The following TSPEAR variants were observed in gnomAD, a reference collection of about 807,000 sequenced individuals.
The protein encoded by TSPEAR is thrombospondin type laminin G domain and EAR repeats.
In TSPEAR, 69 loss-of-function variants were observed where a neutral mutation model predicts 71.6. The ratio of observed to expected loss-of-function variants is 0.96; its 90% CI spans 0.79 to 1.18. The LOEUF is 1.18. TSPEAR is among the 50% of genes most tolerant of loss of function. TSPEAR has a pLI of 0.00. For missense variants in TSPEAR, 971 were observed against 894.9 expected (o/e 1.09, Z -1.09); for synonymous variants, 402 against 387.2 (o/e 1.04, Z -0.45).
intron 1 of TSPEAR, among the ~76,000 whole-genome samples, chr21:44,603,956 G>T (rs587749225): frequency 1.7e-4 from 26 of 152,356 alleles, no homozygotes; most frequent in Non-Finnish European, 3.5e-4. Context: ...CACCTGTGGG[G>T]CATCACGGGG....
chr21:44,709,588 G>A (rs1460084009), intron 1 of TSPEAR, among the ~76,000 whole-genome samples: 1 of 152,248 alleles, frequency 6.6e-6, no homozygotes, highest in African/African-American at 2.4e-5. Context: ...CCTCGCGACC[G>A]CCTGTGACCT....
In TSPEAR at chr21:44,658,212, C is replaced by A. The variant is rs1191058462; in HGVS notation, c.82+53221G>T. Reference sequence around the variant, plus strand: ...TGCCAATCTTCGGGGTGCTGCCAGCCCCCCTGCACCACTGCCCTCTGCAGA... The same window carrying A: ...TGCCAATCTTCGGGGTGCTGCCAGCACCCCTGCACCACTGCCCTCTGCAGA... On this transcript the variant is annotated intron_variant, in intron 1 of 11. Transcript: ENST00000323084. 3 of 1,613,776 alleles carry A rather than the reference C, an allele frequency of 1.9e-6. No homozygotes were observed. The African/African-American group carries it at 4.0e-5, about 22-fold the overall frequency.
intron 1 of TSPEAR, among the ~76,000 whole-genome samples, chr21:44,629,007 G>T (rs1032088095): frequency 2.0e-5 from 3 of 152,154 alleles, no homozygotes; most frequent in Non-Finnish European, 4.4e-5. Context: ...GGACAGTGTG[G>T]GAATGTGTCC....
chr21:44,588,770 TA>T (rs1434442982), intron 1 of TSPEAR, among the ~76,000 whole-genome samples: 2 of 119,326 alleles, frequency 1.7e-5, no homozygotes, highest in African/African-American at 5.5e-5. Flanking sequence ...TGTGTGTATA[TA>T]TATGTATGTG....
In TSPEAR at chr21:44,675,804, C is replaced by G. The variant is rs181771911; in HGVS notation, c.82+35629G>C. 2,184 of 566,336 alleles carry G rather than the reference C, an allele frequency of 3.9e-3. 10 individuals carry two copies. The highest frequency in any genetic ancestry group is 5.4e-3 in the Non-Finnish European group (1,687 of 313,088). The allele number at this position is 566,336 out of a possible 1,614,324, so 35.1% of individuals were successfully genotyped here. ...CAATTCTGGGACCCTTGCGGCAAAC[C>G]CTTCATGTATCACTGCTGATTTCCT... On this transcript the variant is annotated intron_variant, in intron 1 of 11. Coordinates refer to ENST00000323084, the MANE Select transcript of TSPEAR (RefSeq NM_144991.3).
chr21:44,517,434 G>A (rs1177370070), intron 9 of TSPEAR: 2 of 236,094 alleles, frequency 8.5e-6, no homozygotes, highest in Non-Finnish European at 1.7e-5. Flanking sequence ...TCATGTGACT[G>A]GCACTAGCCA....
chr21:44,682,943 G>A (rs782817894), intron 1 of TSPEAR, among the ~76,000 whole-genome samples: 10 of 152,108 alleles, frequency 6.6e-5, no homozygotes, highest in Non-Finnish European at 1.2e-4. Context: ...TCTGTGGAAC[G>A]GGGCAGGGCT....
chr21:44,646,110 G>C (rs1433073356), intron 1 of TSPEAR, among the ~76,000 whole-genome samples: 2 of 94,342 alleles, frequency 2.1e-5, no homozygotes, highest in African/African-American at 8.4e-5. Context: ...GGGTGACAGA[G>C]CAAGACTCCC....
chr21:44,648,959 C>T (rs2146245192), intron 1 of TSPEAR, among the ~76,000 whole-genome samples: 1 of 152,358 alleles, frequency 6.6e-6, no homozygotes, highest in South Asian at 2.1e-4. Flanking sequence ...AAGGTGCTCA[C>T]AGCACAGCGA....
intron 1 of TSPEAR, among the ~76,000 whole-genome samples, chr21:44,668,848 A>T (rs1489113855): frequency 6.6e-6 from 1 of 152,252 alleles, no homozygotes; most frequent in East Asian, 1.9e-4. Flanking sequence ...ACAAAAGATT[A>T]TTTTTAACCC....
intron 1 of TSPEAR, chr21:44,628,213 C>A: frequency 2.5e-6 from 2 of 797,640 alleles, no homozygotes; most frequent in Non-Finnish European, 3.7e-6. Context: ...CCTCCCTGAC[C>A]TCCCCCCCGG....
At chr21:44,707,514 A>T (rs1987994482) in intron 1 of TSPEAR, among the ~76,000 whole-genome samples, 1 of 151,822 alleles carries the variant, frequency 6.6e-6, no homozygotes, top group Non-Finnish European at 1.5e-5. Flanking sequence ...CTGGAGCGGA[A>T]CCGTAGTGTC....
chr21:44,516,563 G>C (rs1438878146), intron 9 of TSPEAR: 1 of 152,260 alleles, frequency 6.6e-6, no homozygotes, highest in African/African-American at 2.4e-5. Flanking sequence ...CCCGCGCCCA[G>C]GGTGGGTTCG....
chr21:44,631,627 G>T (rs1379382064), intron 1 of TSPEAR, among the ~76,000 whole-genome samples: 2 of 152,190 alleles, frequency 1.3e-5, no homozygotes, highest in African/African-American at 2.4e-5. Context: ...TCGGGAGCCT[G>T]AGGCAGGAGA....
At chr21:44,637,332 C>A in intron 1 of TSPEAR, 1 of 1,521,112 alleles carries the variant, frequency 6.6e-7, no homozygotes, top group Middle Eastern at 2.5e-4. Context: ...ATAAAAGCCC[C>A]AGCAGCTGAC....
At chr21:44,551,608 G>A (rs1327738643) in intron 2 of TSPEAR, 15 of 1,119,666 alleles carry the variant, frequency 1.3e-5, no homozygotes, top group African/African-American at 9.5e-5. Flanking sequence ...ACTCAGCAAC[G>A]CCCTCCACTT....
intron 3 of TSPEAR, among the ~76,000 whole-genome samples, chr21:44,532,106 G>T (rs587711756): frequency 4.1e-4 from 63 of 152,306 alleles, no homozygotes; most frequent in African/African-American, 1.5e-3. Flanking sequence ...GCCCTGGCCT[G>T]TACCCTCCGT....
rs587714285 is a variant in TSPEAR, at chr21:44,525,715, C to T, written c.1274G>A (p.Arg425Gln). The T allele has an allele frequency of 2.8e-5, 46 of 1,614,204 alleles. No individual in the cohort carries two copies. Among genetic ancestry groups the T allele is most frequent in the Middle Eastern group, 1.6e-4 (1 of 6,062 alleles). Residue 425 changes from arginine (R) to glutamine (Q), a missense_variant, in exon 8 of 12, where the codon CGA becomes CAA. Arg to Gln is a conservative substitution (Grantham distance 43). Transcript: ENST00000323084. ...ATCCACCTCGAAGGCCTCCCAGTCT[C>T]GGGCGCTGTGTGTGGCAATGCTCTG... is the stretch of plus-strand genomic sequence containing the variant. ...PYQSIATHSA[R>Q]DWEAFEVDGE...
chr21:44,611,654 C>G (rs1981680968), intron 1 of TSPEAR, among the ~76,000 whole-genome samples: 1 of 152,176 alleles, frequency 6.6e-6, no homozygotes, highest in South Asian at 2.1e-4. Context: ...TTCAATGGAG[C>G]AGAACTCTGG....
Sources: allele counts gnomAD v4.1 joint callset (sites outside exome capture counted in the v4.1 genomes callset), GRCh38; gene constraint gnomAD v4.1.1; transcripts MANE v1.5; gene names NCBI Gene and HGNC (gene_info 2026-07-23, HGNC 2026-07-21).